The following SLC14A2 variants were observed in gnomAD, a reference collection of about 807,000 sequenced individuals.
The protein encoded by SLC14A2 is urea transporter 2.
In SLC14A2, 91 loss-of-function variants were observed where a neutral mutation model predicts 104.6. That is an observed-to-expected ratio of 0.87 (90% CI 0.73 to 1.04). The LOEUF (loss-of-function observed/expected upper bound fraction) is 1.04, where lower values mean the gene tolerates loss of function less well. Among genes scored for constraint, SLC14A2 ranks in the 50% least tolerant of loss-of-function variants. SLC14A2 has a pLI of 0.00. For synonymous variants in SLC14A2, 476 were observed against 466.4 expected, an observed-to-expected ratio of 1.02 and a Z score of -0.27; for missense variants, 1,189 against 1,156.0, an observed-to-expected ratio of 1.03 and a Z score of -0.41.
chr18:45,480,648 C>T (rs974769881), intron 1 of SLC14A2, among the ~76,000 whole-genome samples: 1 of 152,178 alleles, frequency 6.6e-6, no homozygotes, highest in Non-Finnish European at 1.5e-5. Context: ...CAGAGCAGAG[C>T]TCCCCTTACA....
intron 10 of SLC14A2, chr18:45,647,772 T>C (rs2045647689): frequency 9.7e-6 from 1 of 102,828 alleles, no homozygotes; most frequent in South Asian, 2.7e-4. Flanking sequence ...ATTTCTAGCA[T>C]TTAGGAATCT....
rs1458671920 is a variant in SLC14A2, at chr18:45,387,671, T to G, written c.-124-95562T>G. 4.6e-5 allele frequency among the ~76,000 whole-genome samples: 7 copies of G among 152,202 alleles called. No individual in the cohort carries two copies. The East Asian group carries it at 1.2e-3, about 25-fold the overall frequency. ...TATCCTCAGGGCAAGTCAGAAGGGA[T>G]GGCTTTGGGGACAGGGTCGAACTTT... On this transcript the variant is annotated intron_variant, in intron 1 of 20. Transcript: ENST00000586448.
At chr18:45,227,766 C>G (rs1237457898) in intron 1 of SLC14A2, among the ~76,000 whole-genome samples, 1 of 152,144 alleles carries the variant, frequency 6.6e-6, no homozygotes, top group Admixed American at 6.5e-5. Context: ...GATTGTGGTG[C>G]AATGTAAGTA....
chr18:45,312,680 G>C (rs1246093417), intron 1 of SLC14A2, among the ~76,000 whole-genome samples: 1 of 152,244 alleles, frequency 6.6e-6, no homozygotes, highest in Non-Finnish European at 1.5e-5. Flanking sequence ...GATCTTCGCT[G>C]TGGGCTAATT....
chr18:45,647,654 T>TA (rs1413432358), intron 10 of SLC14A2: 18 of 152,220 alleles, frequency 1.2e-4, no homozygotes, highest in Non-Finnish European at 4.4e-5. Context: ...CTGGATACTA[T>TA]AGGTTTTAGA....
intron 2 of SLC14A2, among the ~76,000 whole-genome samples, chr18:45,557,121 G>A (rs142286174): frequency 9.8e-5 from 15 of 152,344 alleles, no homozygotes; most frequent in African/African-American, 3.6e-4. Flanking sequence ...GTATTTGGAA[G>A]CCAATATCCT....
chr18:45,394,629 T>G (rs999301048), intron 1 of SLC14A2, among the ~76,000 whole-genome samples: 2 of 152,222 alleles, frequency 1.3e-5, no homozygotes, highest in African/African-American at 4.8e-5. Context: ...TTCATATACA[T>G]GTTGGCTATT....
At chr18:45,177,057 A>G in the SLC14A2 span, among the ~76,000 whole-genome samples, 2 of 152,166 alleles carry the variant, frequency 1.3e-5, no homozygotes, top group African/African-American at 4.8e-5. Context: ...GAAAAACTCT[A>G]CTAGCAAAGC....
intron 1 of SLC14A2, among the ~76,000 whole-genome samples, chr18:45,390,687 G>T (rs1388982728): frequency 1.3e-5 from 2 of 152,156 alleles, no homozygotes; most frequent in East Asian, 1.9e-4. Context: ...AGATGGGATG[G>T]TCAGGTCTGA....
At chr18:45,218,090 C>A (rs1009901009) in intron 1 of SLC14A2, among the ~76,000 whole-genome samples, 1 of 152,160 alleles carries the variant, frequency 6.6e-6, no homozygotes, top group Non-Finnish European at 1.5e-5. Context: ...TAAGCACATT[C>A]ACATTGTTGT....
chr18:45,293,429 A>T (rs1270643370), intron 1 of SLC14A2, among the ~76,000 whole-genome samples: 3 of 152,170 alleles, frequency 2.0e-5, no homozygotes, highest in Non-Finnish European at 4.4e-5. Context: ...ATATATTAAA[A>T]TATATATATG....
At position 45,624,821 on chromosome 18, in the gene SLC14A2, A is replaced by C. The variant is rs564475962; in HGVS notation, c.150+7A>C. ...GGAAATGCCTGAAGAAAAGGTGAGA[A>C]GTGTCCCTCCTAGGATGTTTCCTGG... On this transcript the variant is annotated splice_region_variant and intron_variant, in intron 2 of 19. Transcript: ENST00000255226. 13 of 1,609,348 alleles carry C rather than the reference A, an allele frequency of 8.1e-6. No homozygotes were observed. In the South Asian group the frequency reaches 1.3e-4, roughly 16 times the overall value.
the SLC14A2 span, among the ~76,000 whole-genome samples, chr18:45,199,469 T>G: frequency 6.6e-6 from 1 of 152,206 alleles, no homozygotes; most frequent in South Asian, 2.1e-4. Context: ...AGTTCTTTTT[T>G]CATTTTACAA....
chr18:45,670,076 T>C (rs1342332890), intron 16 of SLC14A2, among the ~76,000 whole-genome samples: 2 of 152,186 alleles, frequency 1.3e-5, no homozygotes, highest in Non-Finnish European at 2.9e-5. Flanking sequence ...TGCAGTGCGC[T>C]GTGATTGTGT....
chr18:45,665,521 C>T (rs977630000), intron 11 of SLC14A2, among the ~76,000 whole-genome samples: 7 of 151,998 alleles, frequency 4.6e-5, no homozygotes, highest in Non-Finnish European at 2.9e-5. Flanking sequence ...GCCATTGCTA[C>T]TACAATACCT....
chr18:45,432,148 C>T (rs1205504716), intron 1 of SLC14A2, among the ~76,000 whole-genome samples: 2 of 152,136 alleles, frequency 1.3e-5, no homozygotes, highest in Non-Finnish European at 2.9e-5. Context: ...TAACCTCCTA[C>T]TATTTTTCCA....
chr18:45,235,833 G>A (rs1450464517), intron 1 of SLC14A2, among the ~76,000 whole-genome samples: 30 of 86,038 alleles, frequency 3.5e-4, no homozygotes, highest in African/African-American at 1.2e-3. Flanking sequence ...ATATATATAC[G>A]TGTATATATA....
intron 1 of SLC14A2, among the ~76,000 whole-genome samples, chr18:45,315,800 G>A (rs112364545): frequency 6.6e-6 from 1 of 152,282 alleles, no homozygotes; most frequent in African/African-American, 2.4e-5. Context: ...ATTTGTAGCT[G>A]GTTTTCCCTA....
At chr18:45,367,379 T>A (rs2085676708) in intron 1 of SLC14A2, among the ~76,000 whole-genome samples, 1 of 152,094 alleles carries the variant, frequency 6.6e-6, no homozygotes, top group African/African-American at 2.4e-5. Flanking sequence ...TTCTCCTGGG[T>A]TTTTAGGTTC....
Sources: allele counts gnomAD v4.1 joint callset (sites outside exome capture counted in the v4.1 genomes callset), GRCh38; gene constraint gnomAD v4.1.1; transcripts MANE v1.5; gene names NCBI Gene and HGNC (gene_info 2026-07-23, HGNC 2026-07-21).